Variants in NFU1 observed in about 807,000 individuals in gnomAD.
The protein encoded by NFU1 is NFU1 iron-sulfur cluster scaffold homolog, mitochondrial.
NFU1 carries 30 observed loss-of-function variants against 32.2 expected under a neutral mutation model. The observed-to-expected ratio is 0.93, with a 90% CI of 0.70 to 1.26. The LOEUF (loss-of-function observed/expected upper bound fraction) is 1.26. Ranked by LOEUF, NFU1 falls within the 50% of genes most tolerant of loss-of-function variation. The probability of loss-of-function intolerance (pLI) is 0.00; values close to 1 mark genes in which losing one functional copy is unlikely to be tolerated. For synonymous variants in NFU1, 112 were observed against 104.6 expected, an observed-to-expected ratio of 1.07 and a Z score of -0.43; for missense variants, 306 against 306.6, an observed-to-expected ratio of 1.00 and a Z score of 0.02.
chr2:69,423,998 C>G (rs1390277433), intron 2 of NFU1, among the ~76,000 whole-genome samples: 1 of 151,254 alleles, frequency 6.6e-6, no homozygotes, highest in Non-Finnish European at 1.5e-5. Flanking sequence ...GATGGTGAAG[C>G]CTCGTCTCTA....
At chr2:69,421,726 T>TGC (rs1192925224) in intron 3 of NFU1, among the ~76,000 whole-genome samples, 2 of 151,884 alleles carry the variant, frequency 1.3e-5, no homozygotes, top group Non-Finnish European at 2.9e-5. Flanking sequence ...CGCCACCACA[T>TGC]CCGGCTAATT....
chr2:69,412,511 C>A (rs1474010633), intron 5 of NFU1, among the ~76,000 whole-genome samples: 1 of 152,056 alleles, frequency 6.6e-6, no homozygotes, highest in South Asian at 2.1e-4. Flanking sequence ...CCCAGCCTCC[C>A]GAGTAGCTGG....
intron 1 of NFU1, among the ~76,000 whole-genome samples, chr2:69,436,334 T>C (rs1016840328): frequency 4.6e-5 from 7 of 152,182 alleles, no homozygotes; most frequent in African/African-American, 1.7e-4. Context: ...TAATTACTAA[T>C]TGAGTGCAGT....
chr2:69,416,969 T>C (rs1261641285), intron 4 of NFU1, among the ~76,000 whole-genome samples: 1 of 152,146 alleles, frequency 6.6e-6, no homozygotes, highest in Non-Finnish European at 1.5e-5. Context: ...GCTAAGGTTA[T>C]AAAAGTAAAA....
intron 1 of NFU1, among the ~76,000 whole-genome samples, chr2:69,434,433 C>T (rs750281433): frequency 3.8e-4 from 58 of 152,160 alleles, no homozygotes; most frequent in Non-Finnish European, 6.6e-4. Flanking sequence ...TGAGCCACAG[C>T]GCCAGGCCTC....
At chr2:69,434,074 T>C (rs898590269) in intron 1 of NFU1, among the ~76,000 whole-genome samples, 2 of 146,298 alleles carry the variant, frequency 1.4e-5, no homozygotes, top group African/African-American at 2.5e-5. Context: ...TGAGCCACCA[T>C]GCCCTGCCTT....
At chr2:69,396,010 A>G, downstream of NFU1, 1 of 452,908 alleles carries the variant, frequency 2.2e-6, no homozygotes, top group South Asian at 3.8e-5. Context: ...AGAAAGAGCC[A>G]TGGGAAATGA....
intron 1 of NFU1, among the ~76,000 whole-genome samples, chr2:69,433,463 A>G (rs955447315): frequency 1.3e-5 from 2 of 150,876 alleles, no homozygotes; most frequent in African/African-American, 4.9e-5. Flanking sequence ...TACAGGCATG[A>G]GACACCACAC....
At chr2:69,439,477 C>G (rs58764134), upstream of NFU1, among the ~76,000 whole-genome samples, 1 of 152,146 alleles carries the variant, frequency 6.6e-6, no homozygotes, top group Non-Finnish European at 1.5e-5. Flanking sequence ...AAAGACAGCA[C>G]GGGCCCAAAG....
intron 2 of NFU1, chr2:69,430,006 G>C (rs1012422432): frequency 1.2e-5 from 4 of 324,816 alleles, no homozygotes; most frequent in African/African-American, 9.0e-5. Flanking sequence ...TTTAGCCTGG[G>C]CAACATAGTG....
At chr2:69,412,137 G>T (rs1305301763) in intron 5 of NFU1, among the ~76,000 whole-genome samples, 1 of 151,822 alleles carries the variant, frequency 6.6e-6, no homozygotes, top group East Asian at 1.9e-4. Context: ...TGCAACCTCT[G>T]CCTCCCAAGT....
At chr2:69,438,448 TGTAGAGAAGA>T (rs1347103528), upstream of NFU1, among the ~76,000 whole-genome samples, 1 of 152,052 alleles carries the variant, frequency 6.6e-6, no homozygotes. Flanking sequence ...GTAGTATTTT[TGTAGAGAAGA>T]GGTCTCCCTG....
At position 69,400,478 on chromosome 2, in the gene NFU1, T is replaced by C; in HGVS notation, c.606A>G (p.Val202=). The change falls in exon 7 of 8, where the codon GTA becomes GTG. Residue 202 remains valine, a synonymous_variant. Coordinates refer to ENST00000410022, the MANE Select transcript of NFU1 (RefSeq NM_001002755.4). ...TACAAGAACCCTGGAGTTTCAGCTG[T>C]ACAATGCCATCTTCAAAGCCTTTGT... is the stretch of plus-strand genomic sequence containing the variant. ...VIYKGFEDGI[V]QLKLQGSCTS... 1 of 1,614,164 alleles carries C rather than the reference T, an allele frequency of 6.2e-7. No homozygotes were observed. Among genetic ancestry groups the C allele is most frequent in the Non-Finnish European group, 8.5e-7 (1 of 1,180,002 alleles).
chr2:69,410,868 A>G (rs1672856374), intron 5 of NFU1: 1 of 152,088 alleles, frequency 6.6e-6, no homozygotes, highest in Non-Finnish European at 1.5e-5. Flanking sequence ...AACTCTTGAC[A>G]TGGTTTTTTA....
At chr2:69,415,466 G>A (rs772528394) in intron 4 of NFU1, among the ~76,000 whole-genome samples, 167 bp from the exon 5 acceptor site, 6 of 151,044 alleles carry the variant, frequency 4.0e-5, no homozygotes, top group African/African-American at 1.5e-4. Context: ...TGCAACCTCC[G>A]CCTCCTGGGT....
At chr2:69,407,006 C>T (rs970447050) in intron 5 of NFU1, among the ~76,000 whole-genome samples, 8 of 152,092 alleles carry the variant, frequency 5.3e-5, no homozygotes, top group Admixed American at 1.3e-4. Flanking sequence ...TGTGAAGACT[C>T]GCGTGTTTGC....
chr2:69,421,161 G>A (rs1673225957), intron 3 of NFU1, among the ~76,000 whole-genome samples: 1 of 151,686 alleles, frequency 6.6e-6, no homozygotes, highest in Admixed American at 6.6e-5. Context: ...CCAAGATCAC[G>A]CCATCACACT....
intron 2 of NFU1, among the ~76,000 whole-genome samples, chr2:69,425,856 T>A (rs1475869804): frequency 1.3e-5 from 2 of 152,180 alleles, no homozygotes; most frequent in Non-Finnish European, 2.9e-5. Flanking sequence ...ATTTTACAAA[T>A]GAAGACACGG....
Position 69,423,978 on chromosome 2 carries a change from G to C in NFU1, c.167-261C>G, listed in dbSNP as rs557647815. 5.1e-3 allele frequency among the ~76,000 whole-genome samples: 767 copies of C among 151,618 alleles called. 6 individuals are homozygous for C. The highest frequency in any genetic ancestry group is 0.018 in the African/African-American group (736 of 41,364). On this transcript the variant is annotated intron_variant, in intron 2 of 7. Coordinates refer to ENST00000410022, the MANE Select transcript of NFU1 (RefSeq NM_001002755.4). ...TTACGAGGTCAGGAGTTCAAGACCA[G>C]CCTGGCCAAGATGGTGAAGCCTCGT...
Sources: allele counts gnomAD v4.1 joint callset (sites outside exome capture counted in the v4.1 genomes callset), GRCh38; gene constraint gnomAD v4.1.1; transcripts MANE v1.5; gene names NCBI Gene and HGNC (gene_info 2026-07-23, HGNC 2026-07-21).